The following EIF3CL variants were observed in gnomAD, a reference collection of about 807,000 sequenced individuals.
EIF3CL encodes the protein eukaryotic translation initiation factor 3 subunit C-like protein.
For missense variants in EIF3CL, 5 were observed against 56.1 expected (o/e 0.09, Z 2.91); for synonymous variants, 2 against 19.6 (o/e 0.10, Z 2.37).
At chr16:28,417,357 G>A in the EIF3CL span, among the ~76,000 whole-genome samples, 76 of 140,954 alleles carry the variant, frequency 5.4e-4, no homozygotes, top group African/African-American at 1.9e-3. Flanking sequence ...TGACAATGGC[G>A]GCTTTGTGGA....
chr16:28,417,885 A>G, the EIF3CL span, among the ~76,000 whole-genome samples: 1 of 148,152 alleles, frequency 6.7e-6, no homozygotes, highest in African/African-American at 2.4e-5. Flanking sequence ...AAAAAAAAAA[A>G]AAAAAAAATT....
At chr16:28,410,909 C>T in the EIF3CL span, among the ~76,000 whole-genome samples, 90 of 121,434 alleles carry the variant, frequency 7.4e-4, 13 homozygotes, top group Non-Finnish European at 8.0e-4. Context: ...CCAGTTTTGC[C>T]GGTTCTTGAG....
At chr16:28,385,978 T>C (rs2045598763) in intron 15 of EIF3CL, among the ~76,000 whole-genome samples, 1 of 2,210 alleles carries the variant, frequency 4.5e-4, no homozygotes, top group African/African-American at 2.3e-3. Flanking sequence ...ATCCCTGCAC[T>C]TTGGGAGGGT....
the EIF3CL span, among the ~76,000 whole-genome samples, chr16:28,418,020 G>C: frequency 6.9e-6 from 1 of 145,578 alleles, no homozygotes; most frequent in African/African-American, 2.5e-5. Flanking sequence ...TCTAGACTGG[G>C]CAACAGGAGT....
At chr16:28,423,799 A>G in the EIF3CL span, among the ~76,000 whole-genome samples, 1 of 100,942 alleles carries the variant, frequency 9.9e-6, no homozygotes. Flanking sequence ...TGCTCCATAT[A>G]TATATATAAT....
rs1411858646 is a variant in EIF3CL at position 28,387,629 on chromosome 16, T to C, written c.1821+429A>G. On this transcript the variant is annotated intron_variant, in intron 15 of 20. Transcript: ENST00000380876. ...ACAGTGATATGTTCATACCATAGAA[T>C]AGAAACACAAACAGGAGGGCTGTTT... Among the ~76,000 whole-genome samples, 7 of 150,404 alleles carry C rather than the reference T, an allele frequency of 4.7e-5. 1 individual carries two copies. The East Asian group carries it at 8.6e-4, about 18-fold the overall frequency.
At chr16:28,414,739 TAGG>T in the EIF3CL span, 2 of 400,686 alleles carry the variant, frequency 5.0e-6, no homozygotes, top group African/African-American at 2.2e-5. Flanking sequence ...GCAGGAGTAC[TAGG>T]AGGAGGAGCT....
chr16:28,416,741 T>C, the EIF3CL span, among the ~76,000 whole-genome samples: 2 of 110,688 alleles, frequency 1.8e-5, no homozygotes, highest in African/African-American at 3.3e-5. Context: ...AGCCACCCCG[T>C]CCGGGAGGGA....
chr16:28,416,660 G>T, the EIF3CL span, among the ~76,000 whole-genome samples: 2 of 89,696 alleles, frequency 2.2e-5, no homozygotes, highest in Non-Finnish European at 2.4e-5. Context: ...CAGCCGCCCC[G>T]TCTGAGAAGT....
chr16:28,416,796 G>A, the EIF3CL span, among the ~76,000 whole-genome samples: 1 of 97,544 alleles, frequency 1.0e-5, no homozygotes, highest in African/African-American at 3.6e-5. Context: ...GCCCCGTCCG[G>A]GAGGTGAGGG....
At chr16:28,396,621 T>C (rs549319906) in intron 8 of EIF3CL, among the ~76,000 whole-genome samples, 2,897 of 85,266 alleles carry the variant, frequency 0.034, 422 homozygotes, top group African/African-American at 0.092. Flanking sequence ...TGAGCCGAGA[T>C]TGCACCACTG....
intron 15 of EIF3CL, among the ~76,000 whole-genome samples, chr16:28,384,142 T>C (rs2045586833): frequency 1.8e-5 from 1 of 54,932 alleles, no homozygotes; most frequent in African/African-American, 4.8e-5. Flanking sequence ...GCACCAGCCA[T>C]TTATGAGTTT....
At chr16:28,410,794 G>T in the EIF3CL span, among the ~76,000 whole-genome samples, 19 of 141,558 alleles carry the variant, frequency 1.3e-4, no homozygotes, top group Admixed American at 3.0e-4. Context: ...AGACGGGGGG[G>T]GCCTCACTAT....
the EIF3CL span, chr16:28,414,903 G>T: frequency 1.9e-6 from 1 of 517,274 alleles, no homozygotes; most frequent in African/African-American, 2.1e-5. Flanking sequence ...GTGTATCGAC[G>T]CCGGCCTCCG....
chr16:28,417,813 T>TA, the EIF3CL span, among the ~76,000 whole-genome samples: 6 of 48,156 alleles, frequency 1.2e-4, no homozygotes, highest in African/African-American at 3.2e-4. Context: ...GAATTATCAA[T>TA]AAAAAAATAA....
chr16:28,415,521 G>A, the EIF3CL span, among the ~76,000 whole-genome samples: 1 of 139,688 alleles, frequency 7.2e-6, no homozygotes, highest in Non-Finnish European at 1.5e-5. Context: ...AGGCTGAGGA[G>A]GGTGGATCAC....
chr16:28,411,434 G>T, the EIF3CL span, among the ~76,000 whole-genome samples: 23 of 50,330 alleles, frequency 4.6e-4, 1 homozygote, highest in Non-Finnish European at 6.7e-4. Flanking sequence ...TTTTTTTTTT[G>T]ATGGAGTCTC....
chr16:28,417,176 GT>G, the EIF3CL span, among the ~76,000 whole-genome samples: 4 of 144,510 alleles, frequency 2.8e-5, no homozygotes, highest in South Asian at 8.5e-4. Flanking sequence ...CAGCCGCCCC[GT>G]CCGGGAGGGA....
At chr16:28,416,675 A>T in the EIF3CL span, among the ~76,000 whole-genome samples, 1 of 105,484 alleles carries the variant, frequency 9.5e-6, no homozygotes, top group East Asian at 3.3e-4. Flanking sequence ...AGAAGTGAGG[A>T]GCGTCTCCGC....
Sources: gnomAD v4.1 joint callset for allele counts (sites outside exome capture counted in the v4.1 genomes callset) on GRCh38, gnomAD v4.1.1 for gene constraint, MANE v1.5 for transcripts, NCBI Gene and HGNC (gene_info 2026-07-23, HGNC 2026-07-21) for gene names.